Variants in INHBB observed in about 807,000 individuals in gnomAD.
INHBB encodes inhibin beta B chain.
A neutral mutation model predicts 28.9 loss-of-function variants in INHBB; 8 were observed. The observed-to-expected ratio is 0.28, with a 90% CI of 0.16 to 0.50. The LOEUF (loss-of-function observed/expected upper bound fraction) is 0.50. INHBB is among the 20% of genes least tolerant of loss of function. The pLI is 0.98. For missense variants in INHBB, 499 were observed against 597.8 expected (o/e 0.83, Z 1.72); for synonymous variants, 293 against 262.7 (o/e 1.12, Z -1.12).
Position 120,349,383 on chromosome 2 carries a change from C to T in INHBB, c.733C>T (p.Arg245Ter). 3 of 1,613,912 alleles carry T rather than the reference C, an allele frequency of 1.9e-6. No individual in the cohort carries two copies. Among genetic ancestry groups the T allele is most frequent in the Non-Finnish European group, 1.7e-6 (2 of 1,180,020 alleles). Residue 245 changes from arginine to a stop codon, truncating the protein, a stop_gained, in exon 2 of 2, where the codon CGA becomes TGA. Coordinates refer to ENST00000295228, the MANE Select transcript of INHBB (RefSeq NM_002193.4). LOFTEE classifies it high-confidence loss of function. This position sits in a 1 kb window ranked among gnomAD's most constrained non-coding sequence, Gnocchi z 5.6. ...GGCCTTGTTTGAGCGGGGCGAGCGGCGACTCAACCTAGACGTGCAGTGTGA... is the reference window on the plus strand; with the variant it reads ...GGCCTTGTTTGAGCGGGGCGAGCGGTGACTCAACCTAGACGTGCAGTGTGA... The part of the protein sequence containing the change: ...IQALFERGER[R>*]LNLDVQCDSC...
Position 120,349,116 on chromosome 2 carries a change from C to G in INHBB, c.466C>G (p.Arg156Gly), listed in dbSNP as rs757821876. Residue 156 changes from arginine (R) to glycine (G), a missense_variant, in exon 2 of 2, where the codon CGG becomes GGG. Transcript: ENST00000295228. The surrounding 1 kb of genome is among the most constrained non-coding windows in gnomAD (Gnocchi z 5.6). Reference protein sequence around the residue: ...FAETDGLASSRVRLYFFISNE... With the variant: ...FAETDGLASSGVRLYFFISNE... ...TTCCGCAGATGGCCTCGCCTCCTCC[C>G]GGGTCCGCCTATACTTCTTCATCTC... The G allele has an allele frequency of 1.0e-5, 16 of 1,603,364 alleles. No homozygotes were observed. The highest frequency in any genetic ancestry group is 1.4e-5 in the Non-Finnish European group (16 of 1,172,748).
chr2:120,347,287 G>A (rs1573387345), intron 1 of INHBB, among the ~76,000 whole-genome samples: 1 of 152,150 alleles, frequency 6.6e-6, no homozygotes, highest in African/African-American at 2.4e-5. Context: ...GAAAGCCGCG[G>A]TTCGGGGACA....
chr2:120,349,330 A>T lies in INHBB; in HGVS notation c.680A>T (p.His227Leu). 1 of 1,614,106 alleles carries T rather than the reference A, an allele frequency of 6.2e-7. No homozygotes were observed. Among genetic ancestry groups the T allele is most frequent in the Non-Finnish European group, 8.5e-7 (1 of 1,180,000 alleles). Residue 227 changes from histidine (H) to leucine (L), a missense_variant, in exon 2 of 2, where the codon CAT (histidine) becomes CTT (leucine). His to Leu is a moderately conservative substitution (Grantham distance 99). Transcript: ENST00000295228. The surrounding 1 kb of genome is among the most constrained non-coding windows in gnomAD (Gnocchi z 5.6). The stretch of plus-strand genomic sequence containing the variant: ...GTGGACCTCAAGCGCAGCGGCTGGC[A>T]TACCTTCCCACTCACGGAGGCCATC... ...KRVDLKRSGW[H>L]TFPLTEAIQA...
Position 120,346,508 on chromosome 2 carries a change from T to C in INHBB, c.320T>C (p.Leu107Pro). 1 of 1,538,656 alleles carries C rather than the reference T, an allele frequency of 6.5e-7. No homozygotes were observed. The highest frequency in any genetic ancestry group is 8.7e-7 in the Non-Finnish European group (1 of 1,150,152). Residue 107 changes from leucine (L) to proline (P), a missense_variant, in exon 1 of 2, where the codon CTG becomes CCG. Physicochemically the swap from Leu to Pro is moderately conservative, Grantham distance 98. Transcript: ENST00000295228. ...CCTAAGGCCGCCATGGTCACGGCCC[T>C]GCGCAAGCTGCACGCGGGCAAGGTG... ...AVPKAAMVTALRKLHAGKVRE... is the reference protein window; with the variant it reads ...AVPKAAMVTAPRKLHAGKVRE...
In INHBB at chr2:120,349,981, C is replaced by T; in HGVS notation, c.*107C>T. On this transcript the variant is annotated 3_prime_UTR_variant, in exon 2 of 2. Coordinates refer to ENST00000295228, the MANE Select transcript of INHBB (RefSeq NM_002193.4). The surrounding 1 kb of genome is among the most constrained non-coding windows in gnomAD (Gnocchi z 5.6). ...ACACGGTGGGCTGAGTACAGTCATT[C>T]TGTTGGGCTGTGGAGATAGTGCCAG... The T allele has an allele frequency of 8.9e-7, 1 of 1,117,916 alleles. No homozygotes were observed. The highest frequency in any genetic ancestry group is 1.3e-6 in the Non-Finnish European group (1 of 786,618). 69.2% of individuals were successfully genotyped at this position (1,117,916 alleles called of 1,614,324 possible). A position where few individuals can be genotyped will look rare whatever the true frequency, so the allele number is the denominator to read the frequency against.
In INHBB at chr2:120,351,674, T is replaced by TAAG. The variant is rs1691261543; in HGVS notation, c.*1800_*1801insAAG. The TAAG allele has an allele frequency of 6.6e-6, 1 of 152,266 alleles. No homozygotes were observed. Among genetic ancestry groups the TAAG allele is most frequent in the South Asian group, 2.1e-4 (1 of 4,836 alleles). The allele number at this position is 152,266 out of a possible 1,614,324, so 9.4% of individuals were successfully genotyped here. ...GTGTATCCTTAAATCCTCATCTTTA[T>TAAG]GTTTATTTAATAAAGCTCCCCTTAG... On this transcript the variant is annotated 3_prime_UTR_variant, in exon 2 of 2. Transcript: ENST00000295228.
At chr2:120,348,441 C>T (rs1261158224) in intron 1 of INHBB, among the ~76,000 whole-genome samples, 2 of 151,890 alleles carry the variant, frequency 1.3e-5, no homozygotes, top group African/African-American at 4.8e-5. Flanking sequence ...GATTGGACCT[C>T]AAGTTTTAAG....
Position 120,346,217 on chromosome 2 carries a change from G to T in INHBB, c.29G>T (p.Gly10Val). Residue 10 changes from glycine (G) to valine (V), a missense_variant, in exon 1 of 2, where the codon GGG becomes GTG. Around this residue, in one of 2 missense-constraint regions of INHBB, gnomAD observed 385 missense variants for 415.2 expected, o/e 0.93. Transcript: ENST00000295228. The part of the protein sequence containing the change: MDGLPGRAL[G>V]AACLLLLAAG... Reference sequence around the variant, plus strand: ...GACGGGCTGCCCGGTCGGGCGCTGGGGGCCGCCTGCCTTCTGCTGCTGGCG... The same window carrying T: ...GACGGGCTGCCCGGTCGGGCGCTGGTGGCCGCCTGCCTTCTGCTGCTGGCG... 2 of 1,211,716 alleles carry T rather than the reference G, an allele frequency of 1.7e-6. No individual in the cohort carries two copies. The highest frequency in any genetic ancestry group is 2.0e-6 in the Non-Finnish European group (2 of 975,652). 75.1% of individuals were successfully genotyped at this position (1,211,716 alleles called of 1,614,324 possible). A position where few individuals can be genotyped will look rare whatever the true frequency, so the allele number is the denominator to read the frequency against.
chr2:120,348,482 A>G (rs1277761353), intron 1 of INHBB, among the ~76,000 whole-genome samples: 10 of 151,932 alleles, frequency 6.6e-5, no homozygotes, highest in Admixed American at 2.0e-4. Context: ...AAACTATTCT[A>G]TAAGGGCTAG....
chr2:120,349,139 C>T lies in INHBB; in HGVS notation c.489C>T (p.Ile163=). 1.9e-6 allele frequency: 3 copies of T among 1,612,896 alleles called. No individual in the cohort carries two copies. The highest frequency in any genetic ancestry group is 4.5e-5 in the East Asian group (2 of 44,824). The change falls in exon 2 of 2, where the codon ATC becomes ATT. Residue 163 remains isoleucine (I), a synonymous_variant. Transcript: ENST00000295228. The surrounding 1 kb of genome is among the most constrained non-coding windows in gnomAD (Gnocchi z 5.6). ...CCCGGGTCCGCCTATACTTCTTCAT[C>T]TCCAACGAAGGCAACCAGAACCTGT... ...ASSRVRLYFF[I]SNEGNQNLFV... is the part of the protein sequence containing the mutation.
chr2:120,351,113 C>G lies in INHBB; in HGVS notation c.*1239C>G, dbSNP rs549040644. ...GCACTTGCAGACCTGCCTGAACGCA[C>G]ATGACATAGCACTTGCCGATCTGCG... On this transcript the variant is annotated 3_prime_UTR_variant, in exon 2 of 2. Coordinates refer to ENST00000295228, the MANE Select transcript of INHBB (RefSeq NM_002193.4). 1.3e-5 allele frequency: 2 copies of G among 152,894 alleles called. No homozygotes were observed. The highest frequency in any genetic ancestry group is 2.1e-4 in the South Asian group (1 of 4,834). 9.5% of individuals were successfully genotyped at this position (152,894 alleles called of 1,614,324 possible).
chr2:120,350,718 T>C lies in INHBB; in HGVS notation c.*844T>C, dbSNP rs1383297960. The C allele has an allele frequency of 6.6e-6, 1 of 152,264 alleles. No individual in the cohort carries two copies. The highest frequency in any genetic ancestry group is 1.5e-5 in the Non-Finnish European group (1 of 68,048). The allele number at this position is 152,264 out of a possible 1,614,324, so 9.4% of individuals were successfully genotyped here. On this transcript the variant is annotated 3_prime_UTR_variant, in exon 2 of 2. Coordinates refer to ENST00000295228, the MANE Select transcript of INHBB (RefSeq NM_002193.4). ...CAGTTGTATAACTGAAAAAGGACTTTTCTACCAGGTATGACCTTTTAAGTG... is the reference window on the plus strand; with the variant it reads ...CAGTTGTATAACTGAAAAAGGACTTCTCTACCAGGTATGACCTTTTAAGTG...
chr2:120,346,742 G>A, intron 1 of INHBB, 106 bp downstream of exon 1: 4 of 1,177,830 alleles, frequency 3.4e-6, no homozygotes, highest in Non-Finnish European at 4.4e-6. Context: ...CGCGCGCCCT[G>A]GGGCAGCCTG....
chr2:120,346,464 C>A lies in INHBB; in HGVS notation c.276C>A (p.Pro92=). 6.4e-7 allele frequency: 1 copy of A among 1,558,524 alleles called. No homozygotes were observed. Among genetic ancestry groups the A allele is most frequent in the Admixed American group, 1.9e-5 (1 of 53,998 alleles). ...ILSRLQMRGR[P]NITHAVPKAA... is the part of the protein sequence containing the mutation. ...GCCGCCTGCAGATGCGGGGCCGGCC[C>A]AACATCACGCACGCCGTGCCTAAGG... The change falls in exon 1 of 2, where the codon CCC becomes CCA. Residue 92 remains proline (P), a synonymous_variant. Transcript: ENST00000295228.
intron 1 of INHBB, among the ~76,000 whole-genome samples, chr2:120,348,817 C>T (rs1691206643): frequency 6.6e-6 from 1 of 152,148 alleles, no homozygotes; most frequent in African/African-American, 2.4e-5. Flanking sequence ...GCCTGACAGC[C>T]TGTCTCCAGG....
intron 1 of INHBB, among the ~76,000 whole-genome samples, chr2:120,347,138 G>T (rs1251490031): frequency 6.6e-6 from 1 of 152,174 alleles, no homozygotes; most frequent in Non-Finnish European, 1.5e-5. Context: ...CCCTGGGGCC[G>T]CTTCCATCAC....
At position 120,349,661 on chromosome 2, in the gene INHBB, A is replaced by G. The variant is rs1299571138; in HGVS notation, c.1011A>G (p.Pro337=). The change falls in exon 2 of 2, where the codon CCA becomes CCG. Residue 337 remains proline (P), a synonymous_variant. Coordinates refer to ENST00000295228, the MANE Select transcript of INHBB (RefSeq NM_002193.4). The surrounding 1 kb of genome is among the most constrained non-coding windows in gnomAD (Gnocchi z 5.6). The stretch of plus-strand genomic sequence containing the variant: ...GGAACTACTGTGAGGGCAGCTGCCC[A>G]GCCTACCTGGCAGGGGTCCCCGGCT... ...YYGNYCEGSC[P]AYLAGVPGSA... The G allele has an allele frequency of 1.2e-6, 2 of 1,613,812 alleles. No homozygotes were observed. The highest frequency in any genetic ancestry group is 2.2e-5 in the East Asian group (1 of 44,878).
chr2:120,349,680 C>T lies in INHBB; in HGVS notation c.1030C>T (p.Pro344Ser). 6.2e-7 allele frequency: 1 copy of T among 1,613,828 alleles called. No individual in the cohort carries two copies. Among genetic ancestry groups the T allele is most frequent in the Non-Finnish European group, 8.5e-7 (1 of 1,180,032 alleles). Reference sequence around the variant, plus strand: ...CTGCCCAGCCTACCTGGCAGGGGTCCCCGGCTCTGCCTCCTCCTTCCACAC... The same window carrying T: ...CTGCCCAGCCTACCTGGCAGGGGTCTCCGGCTCTGCCTCCTCCTTCCACAC... ...GSCPAYLAGV[P>S]GSASSFHTAV... Residue 344 changes from proline to serine, a missense_variant, in exon 2 of 2, where the codon CCC becomes TCC. Around this residue, in one of 2 missense-constraint regions of INHBB, gnomAD observed 114 missense variants for 182.6 expected, o/e 0.62. Coordinates refer to ENST00000295228, the MANE Select transcript of INHBB (RefSeq NM_002193.4). The surrounding 1 kb of genome is among the most constrained non-coding windows in gnomAD (Gnocchi z 5.6).
chr2:120,350,606 T>C lies in INHBB; in HGVS notation c.*732T>C, dbSNP rs45624437. 0.011 allele frequency: 1,591 copies of C among 148,940 alleles called. 20 individuals carry two copies. Among genetic ancestry groups the C allele is most frequent in the Admixed American group, 0.024 (365 of 14,952 alleles). The allele number at this position is 148,940 out of a possible 1,614,324, so 9.2% of individuals were successfully genotyped here. A position where few individuals can be genotyped will look rare whatever the true frequency, so the allele number is the denominator to read the frequency against. On this transcript the variant is annotated 3_prime_UTR_variant, in exon 2 of 2. Coordinates refer to ENST00000295228, the MANE Select transcript of INHBB (RefSeq NM_002193.4). ...CTCTGACATGACTTATGTGTGTGTG[T>C]GTTTTTGGGGTGGGGAGGGAGGGAG...
Sources: gnomAD v4.1 joint callset for allele counts (sites outside exome capture counted in the v4.1 genomes callset) on GRCh38, gnomAD v4.1.1 for gene constraint, gnomAD v4.1.1 regional missense constraint, Gnocchi (gnomAD v3.1) non-coding constraint, MANE v1.5 for transcripts, NCBI Gene and HGNC (gene_info 2026-07-23, HGNC 2026-07-21) for gene names.